The following MTCL2 variants were observed in gnomAD, a reference collection of about 807,000 sequenced individuals.
The protein encoded by MTCL2 is microtubule cross-linking factor 2.
chr20:36,786,675 G>A, the MTCL2 span: 2 of 1,524,994 alleles, frequency 1.3e-6, no homozygotes, highest in Non-Finnish European at 1.8e-6. Flanking sequence ...AAGTCAAGAG[G>A]AGCCAGGAGA....
chr20:36,862,814 G>T, the MTCL2 span: 2 of 1,369,886 alleles, frequency 1.5e-6, no homozygotes, highest in African/African-American at 3.0e-5. Flanking sequence ...CCGACGGCTC[G>T]TCCGGGGAGG....
the MTCL2 span, chr20:36,805,758 C>T: frequency 2.7e-6 from 3 of 1,124,946 alleles, no homozygotes; most frequent in Non-Finnish European, 2.5e-6. Flanking sequence ...CTTCAATGTC[C>T]AGGAATGGGG....
chr20:36,804,871 A>G, the MTCL2 span: 21 of 1,613,686 alleles, frequency 1.3e-5, no homozygotes, highest in Non-Finnish European at 1.7e-5. Context: ...CGTCACCTTC[A>G]TGTCGGCCAG....
At chr20:36,803,040 C>A in the MTCL2 span, 2 of 1,605,852 alleles carry the variant, frequency 1.2e-6, no homozygotes, top group Middle Eastern at 1.7e-4. Context: ...CTCACGCTCC[C>A]GCTGTAGGGC....
the MTCL2 span, among the ~76,000 whole-genome samples, chr20:36,833,885 G>A: frequency 3.3e-5 from 5 of 152,092 alleles, no homozygotes; most frequent in East Asian, 1.9e-4. Flanking sequence ...AAACAAGGCC[G>A]GGCATGGTGG....
chr20:36,786,012 A>G, the MTCL2 span: 1 of 986,174 alleles, frequency 1.0e-6, no homozygotes, highest in Non-Finnish European at 1.2e-6. Context: ...CCAAACATGG[A>G]GCCCTAGAGC....
At chr20:36,849,751 C>A in the MTCL2 span, among the ~76,000 whole-genome samples, 12 of 152,256 alleles carry the variant, frequency 7.9e-5, no homozygotes, top group Non-Finnish European at 1.3e-4. Flanking sequence ...CTGAGGACAG[C>A]GGGGGGAAGT....
the MTCL2 span, chr20:36,812,962 T>C: frequency 1.6e-6 from 2 of 1,248,470 alleles, no homozygotes; most frequent in Non-Finnish European, 2.2e-6. Flanking sequence ...ACCACCCACC[T>C]GAGGGCTGGG....
chr20:36,794,932 C>G, the MTCL2 span, among the ~76,000 whole-genome samples: 1 of 147,282 alleles, frequency 6.8e-6, no homozygotes, highest in South Asian at 2.2e-4. This position sits in a 1 kb window ranked among gnomAD's most constrained non-coding sequence, Gnocchi z 5.4. Context: ...CCAAACCTGG[C>G]TTTTTTTTTT....
At chr20:36,786,734 C>A in the MTCL2 span, 2 of 1,203,602 alleles carry the variant, frequency 1.7e-6, no homozygotes, top group Admixed American at 4.6e-5. Context: ...AACTGAGACT[C>A]GGCCATAAAC....
chr20:36,831,210 G>A, the MTCL2 span, among the ~76,000 whole-genome samples: 3 of 152,206 alleles, frequency 2.0e-5, no homozygotes, highest in Non-Finnish European at 2.9e-5. Flanking sequence ...CTACTGTTTG[G>A]TGAATACCTA....
the MTCL2 span, among the ~76,000 whole-genome samples, chr20:36,849,027 C>T: frequency 8.3e-6 from 1 of 120,456 alleles, no homozygotes; most frequent in Non-Finnish European, 1.7e-5. Flanking sequence ...TTTAAAAATA[C>T]TTTAATAACT....
the MTCL2 span, among the ~76,000 whole-genome samples, chr20:36,814,737 A>G: frequency 1.3e-5 from 2 of 152,150 alleles, no homozygotes; most frequent in Non-Finnish European, 2.9e-5. Flanking sequence ...AAATACAAAA[A>G]TTAGCCAGGC....
chr20:36,824,587 A>T, the MTCL2 span, among the ~76,000 whole-genome samples: 6 of 152,310 alleles, frequency 3.9e-5, no homozygotes, highest in East Asian at 1.2e-3. Context: ...GATAATGGTG[A>T]CGCTACAAAA....
the MTCL2 span, among the ~76,000 whole-genome samples, chr20:36,798,136 C>T: frequency 2.0e-5 from 3 of 151,510 alleles, no homozygotes; most frequent in Non-Finnish European, 2.9e-5. Context: ...GTGGTACGAT[C>T]GCAGCTCACT....
the MTCL2 span, chr20:36,810,207 G>T: frequency 7.1e-7 from 1 of 1,405,704 alleles, no homozygotes; most frequent in Non-Finnish European, 9.6e-7. Flanking sequence ...GGAACGATGG[G>T]ATGTTGGACC....
the MTCL2 span, among the ~76,000 whole-genome samples, chr20:36,853,651 C>T: frequency 1.3e-5 from 2 of 151,726 alleles, no homozygotes; most frequent in Non-Finnish European, 2.9e-5. Context: ...CTCCCAGATC[C>T]GTCTGGTACA....
chr20:36,813,496 G>A, the MTCL2 span, among the ~76,000 whole-genome samples: 1 of 151,632 alleles, frequency 6.6e-6, no homozygotes, highest in Non-Finnish European at 1.5e-5. Context: ...CACTTTGGGA[G>A]GCCGAGGCAG....
the MTCL2 span, among the ~76,000 whole-genome samples, chr20:36,791,509 T>TCACA: frequency 3.9e-4 from 59 of 152,192 alleles, 1 homozygote; most frequent in Admixed American, 4.6e-4. Flanking sequence ...TTTGAGTCTA[T>TCACA]CACAGCCCAT....
Sources: gnomAD v4.1 joint callset for allele counts (sites outside exome capture counted in the v4.1 genomes callset) on GRCh38, gnomAD v4.1.1 for gene constraint, Gnocchi (gnomAD v3.1) non-coding constraint, MANE v1.5 for transcripts, NCBI Gene and HGNC (gene_info 2026-07-23, HGNC 2026-07-21) for gene names.